SRP54: variants seen among roughly 807,000 people sequenced by gnomAD.
SRP54 encodes signal recognition particle 54, also known as signal recognition particle subunit SRP54.
In SRP54, 10 loss-of-function variants were observed where a neutral mutation model predicts 64.8. That is an observed-to-expected ratio of 0.15 (90% CI 0.10 to 0.26). SRP54 has a LOEUF of 0.26. SRP54 is among the 10% of genes least tolerant of loss of function. The pLI is 1.00. For synonymous variants in SRP54, 193 were observed against 185.6 expected, an observed-to-expected ratio of 1.04 and a Z score of -0.32; for missense variants, 325 against 613.7, an observed-to-expected ratio of 0.53 and a Z score of 4.97.
intron 1 of SRP54, chr14:34,993,474 A>G (rs182526477): frequency 1.2e-4 from 19 of 152,160 alleles, no homozygotes; most frequent in African/African-American, 3.9e-4. Flanking sequence ...TTCATCAAGT[A>G]TTGGTAGTAA....
Position 35,026,740 on chromosome 14 carries a change from C to T in SRP54, c.1328-1348C>T, listed in dbSNP as rs185951779. ...CGGGCAGATCATGAGGTCAAGAGAT[C>T]GAAACCATCCTGGCCAAAATGGTGA... is the stretch of plus-strand genomic sequence containing the variant. On this transcript the variant is annotated intron_variant, in intron 14 of 15. Transcript: ENST00000216774. Among the ~76,000 whole-genome samples the T allele has an allele frequency of 2.0e-3, 297 of 152,154 alleles. 2 individuals are homozygous for T. Among genetic ancestry groups the T allele is most frequent in the Non-Finnish European group, 3.1e-3 (208 of 67,998 alleles).
intron 9 of SRP54, 68 bp downstream of exon 9, chr14:35,013,562 T>G (rs2044388673): frequency 6.7e-7 from 1 of 1,483,758 alleles, no homozygotes; most frequent in African/African-American, 1.4e-5. Flanking sequence ...GTTTATAGCT[T>G]TCATATTGAT....
rs376712278 is a variant in SRP54 at position 35,014,290 on chromosome 14, T to TTTTTTTTTTTTTTTTTTTGG, written c.886+392_886+393insTTTTTTTTTTTTTTGGTTTT. On this transcript the variant is annotated intron_variant, in intron 10 of 15. Coordinates refer to ENST00000216774, the MANE Select transcript of SRP54 (RefSeq NM_003136.4). Reference sequence around the variant, plus strand: ...TGCCACTTAACTTTTTTTTTTTTTTTTTTTGAGACGGAGTTTCGCTCTTGT... The same window carrying TTTTTTTTTTTTTTTTTTTGG: ...TGCCACTTAACTTTTTTTTTTTTTTTTTTTTTTTTTTTTTTTTTGGTTTTGAGACGGAGTTTCGCTCTTGT... Among the ~76,000 whole-genome samples, 4 of 127,280 alleles carry TTTTTTTTTTTTTTTTTTTGG rather than the reference T, an allele frequency of 3.1e-5. No individual in the cohort carries two copies. In the Admixed American group the frequency reaches 3.4e-4, roughly 11 times the overall value. The allele number at this position is 127,280 out of a possible 152,430, so 83.5% of individuals were successfully genotyped here.
rs898735055 is a variant in SRP54, at chr14:35,029,289, G to A, written c.*137G>A. ...GCACTCTTTCCTTTTCTTCTCGCCC[G>A]CTTTTCCCCTCCTTTTCTTTTTCCT... On this transcript the variant is annotated 3_prime_UTR_variant, in exon 16 of 16. Transcript: ENST00000216774. 32 of 521,252 alleles carry A rather than the reference G, an allele frequency of 6.1e-5. No individual in the cohort carries two copies. Among genetic ancestry groups the A allele is most frequent in the African/African-American group, 9.9e-5 (5 of 50,342 alleles). 32.3% of individuals were successfully genotyped at this position (521,252 alleles called of 1,614,324 possible).
Position 35,013,914 on chromosome 14 carries a change from G to A in SRP54, c.886+12G>A. The stretch of plus-strand genomic sequence containing the variant: ...TAGCAAACTTCTTGGTATGTACAGT[G>A]GTGGGGATATAGAAAAATCTCCAAG... On this transcript the variant is annotated intron_variant, in intron 10 of 15. Coordinates refer to ENST00000216774, the MANE Select transcript of SRP54 (RefSeq NM_003136.4). 6.4e-7 allele frequency: 1 copy of A among 1,561,382 alleles called. No individual in the cohort carries two copies. The highest frequency in any genetic ancestry group is 1.2e-5 in the South Asian group (1 of 86,954).
At chr14:35,002,714 C>T (rs1222995187) in intron 4 of SRP54, among the ~76,000 whole-genome samples, 1 of 148,964 alleles carries the variant, frequency 6.7e-6, no homozygotes, top group East Asian at 2.0e-4. Context: ...GGACTACAAC[C>T]ATGAGTCACT....
chr14:35,029,119 C>T lies in SRP54; in HGVS notation c.1482C>T (p.Asn494=). 6.2e-7 allele frequency: 1 copy of T among 1,613,750 alleles called. No homozygotes were observed. Among genetic ancestry groups the T allele is most frequent in the Non-Finnish European group, 8.5e-7 (1 of 1,179,888 alleles). The change falls in exon 16 of 16, where the codon AAC becomes AAT. Residue 494 remains asparagine, a synonymous_variant. Coordinates refer to ENST00000216774, the MANE Select transcript of SRP54 (RefSeq NM_003136.4). ...AGTTTCAACAGGGTGCTGCTGGCAA[C>T]ATGAAAGGCATGATGGGATTCAATA... The part of the protein sequence containing the change: ...MRQFQQGAAG[N]MKGMMGFNNM
chr14:34,987,429 A>C (rs1393519175), intron 1 of SRP54, among the ~76,000 whole-genome samples: 2 of 151,902 alleles, frequency 1.3e-5, no homozygotes, highest in Non-Finnish European at 2.9e-5. Context: ...CATACCTATT[A>C]GCAATCATTC....
intron 1 of SRP54, among the ~76,000 whole-genome samples, chr14:34,990,075 G>C (rs1351362240): frequency 6.6e-6 from 1 of 152,078 alleles, no homozygotes; most frequent in Non-Finnish European, 1.5e-5. Flanking sequence ...TTGGCCCTGT[G>C]ATTGCCTTAC....
In SRP54 at chr14:35,001,175, C is replaced by CTTTTTTT. The variant is rs10637082; in HGVS notation, c.255+166_255+172dup. On this transcript the variant is annotated intron_variant, in intron 4 of 15. Coordinates refer to ENST00000216774, the MANE Select transcript of SRP54 (RefSeq NM_003136.4). ...AGGATTATTGAGTTTTCTTAGGGAC[C>CTTTTTTT]TTTTTTTTTTTTTTTTTGAGAAGGA... 1.0e-4 allele frequency among the ~76,000 whole-genome samples: 13 copies of CTTTTTTT among 129,452 alleles called. 1 individual carries two copies. The highest frequency in any genetic ancestry group is 3.1e-4 in the African/African-American group (11 of 35,336). 84.9% of individuals were successfully genotyped at this position (129,452 alleles called of 152,430 possible). A position where few individuals can be genotyped will look rare whatever the true frequency, so the allele number is the denominator to read the frequency against.
At position 35,014,737 on chromosome 14, in the gene SRP54, C is replaced by T. The variant is rs1410295709; in HGVS notation, c.887-7C>T. 1.2e-6 allele frequency: 2 copies of T among 1,609,778 alleles called. No homozygotes were observed. The highest frequency in any genetic ancestry group is 2.2e-5 in the South Asian group (2 of 90,596). On this transcript the variant is annotated splice_region_variant and splice_polypyrimidine_tract_variant and intron_variant, in intron 10 of 15. Coordinates refer to ENST00000216774, the MANE Select transcript of SRP54 (RefSeq NM_003136.4). Reference sequence around the variant, plus strand: ...AGTTGTTAATTTTTCTTTTTTGTATCTTATAGGTATGGGCGACATTGAAGG... The same window carrying T: ...AGTTGTTAATTTTTCTTTTTTGTATTTTATAGGTATGGGCGACATTGAAGG...
chr14:34,986,331 G>T (rs2138955541), intron 1 of SRP54, among the ~76,000 whole-genome samples: 1 of 152,216 alleles, frequency 6.6e-6, no homozygotes. Context: ...TCTTTTGAAG[G>T]GAGTCTTGTG....
intron 15 of SRP54, among the ~76,000 whole-genome samples, chr14:35,028,468 A>C (rs2139034552): frequency 6.6e-6 from 1 of 152,260 alleles, no homozygotes; most frequent in Non-Finnish European, 1.5e-5. Flanking sequence ...GGATATTTTT[A>C]CTTATATGAC....
chr14:35,013,037 G>A (rs535751498), intron 8 of SRP54, among the ~76,000 whole-genome samples: 43 of 142,622 alleles, frequency 3.0e-4, no homozygotes, highest in South Asian at 1.2e-3. Context: ...TCTGCCTCCC[G>A]GGTTCAAGTG....
chr14:35,025,896 A>G (rs2044612807), intron 14 of SRP54, among the ~76,000 whole-genome samples: 3 of 152,106 alleles, frequency 2.0e-5, no homozygotes, highest in Non-Finnish European at 2.9e-5. Flanking sequence ...GCCCCTTTCA[A>G]ATAAATAATT....
At chr14:35,018,864 T>C (rs749124097) in intron 12 of SRP54, 99 bp downstream of exon 12, 6 of 1,404,484 alleles carry the variant, frequency 4.3e-6, no homozygotes, top group African/African-American at 1.4e-5. Flanking sequence ...GGTAAAAATA[T>C]ATCTAAGACT....
At chr14:34,997,235 C>G (rs2044085493) in intron 2 of SRP54, among the ~76,000 whole-genome samples, 1 of 152,048 alleles carries the variant, frequency 6.6e-6, no homozygotes, top group East Asian at 1.9e-4. Context: ...TGTTTTGATT[C>G]ATTTTCTTTG....
rs572764552 is a variant in SRP54 at position 34,996,096 on chromosome 14, C to T, written c.-33-581C>T. Reference sequence around the variant, plus strand: ...AAAAAAAAAAGAGTAAAATAATATACCTCTTTCCTTTGTGGTTAGAAGAAT... The same window carrying T: ...AAAAAAAAAAGAGTAAAATAATATATCTCTTTCCTTTGTGGTTAGAAGAAT... On this transcript the variant is annotated intron_variant, in intron 1 of 15. Transcript: ENST00000216774. 6.0e-5 allele frequency among the ~76,000 whole-genome samples: 9 copies of T among 151,158 alleles called. No homozygotes were observed. In the South Asian group the frequency reaches 1.9e-3, roughly 31 times the overall value.
In SRP54 at chr14:35,007,317, C is replaced by A; in HGVS notation, c.290C>A (p.Thr97Asn). The change falls in exon 5 of 16, where the codon ACT (threonine) becomes AAT (asparagine). Residue 97 changes from threonine (T) to asparagine (N), a missense_variant. This residue lies in a region of SRP54 where 156 missense variants were observed against 254.6 expected (regional missense o/e 0.61). Coordinates refer to ENST00000216774, the MANE Select transcript of SRP54 (RefSeq NM_003136.4). ...CCTGGAGTTAAGGCATGGACACCCA[C>A]TAAAGGAAAACAAAATGTGATTATG... ...VDPGVKAWTP[T>N]KGKQNVIMFV... is the part of the protein sequence containing the mutation. 6.3e-7 allele frequency: 1 copy of A among 1,591,906 alleles called. No homozygotes were observed. Among genetic ancestry groups the A allele is most frequent in the Non-Finnish European group, 8.6e-7 (1 of 1,165,220 alleles).
Sources: gnomAD v4.1 joint callset for allele counts (sites outside exome capture counted in the v4.1 genomes callset) on GRCh38, gnomAD v4.1.1 for gene constraint, gnomAD v4.1.1 regional missense constraint, MANE v1.5 for transcripts, NCBI Gene and HGNC (gene_info 2026-07-23, HGNC 2026-07-21) for gene names.